CASD1: variants seen among roughly 807,000 people sequenced by gnomAD.
The protein encoded by CASD1 is CAS1 domain sialic acid O acetyltransferase 1.
In CASD1, 41 loss-of-function variants were observed where a neutral mutation model predicts 100.0. The ratio of observed to expected loss-of-function variants is 0.41; its 90% CI spans 0.32 to 0.53. The LOEUF is 0.53. Among genes scored for constraint, CASD1 ranks in the 20% least tolerant of loss-of-function variants. The pLI is 0.25. For synonymous variants in CASD1, 321 were observed against 315.6 expected (o/e 1.02, Z -0.18); for missense variants, 774 against 948.7 (o/e 0.82, Z 2.42).
the CASD1 span, among the ~76,000 whole-genome samples, chr7:94,576,654 G>C: frequency 6.6e-6 from 1 of 152,144 alleles, no homozygotes; most frequent in Admixed American, 6.6e-5. Flanking sequence ...TGATACCAAG[G>C]CTTCGGTGAG....
Position 94,551,325 on chromosome 7 carries a change from C to G in CASD1, c.1816-13C>G, listed in dbSNP as rs747373617. 4.6e-5 allele frequency: 70 copies of G among 1,529,892 alleles called. 2 individuals are homozygous for G. The South Asian group carries it at 9.0e-4, about 20-fold the overall frequency. The allele number at this position is 1,529,892 out of a possible 1,614,324, so 94.8% of individuals were successfully genotyped here. A position where few individuals can be genotyped will look rare whatever the true frequency, so the allele number is the denominator to read the frequency against. ...TAACTGTTTAAAACAAATTTTCTCTCTTTACTTTTCAGGTAGTTTTCCACG... is the reference window on the plus strand; with the variant it reads ...TAACTGTTTAAAACAAATTTTCTCTGTTTACTTTTCAGGTAGTTTTCCACG... On this transcript the variant is annotated splice_polypyrimidine_tract_variant and intron_variant, in intron 14 of 17. Transcript: ENST00000297273.
In CASD1 at chr7:94,545,661, T is replaced by C; in HGVS notation, c.1593T>C (p.Thr531=). Residue 531 remains threonine (T), a synonymous_variant, in exon 12 of 18, where the codon ACT becomes ACC. Transcript: ENST00000297273. The stretch of plus-strand genomic sequence containing the variant: ...TATGGTTCATGGTCATATATGTTAC[T>C]TTAGCACTATGGCCACAAATAATCC... The part of the protein sequence containing the change: ...VTVWFMVIYV[T]LALWPQIIQK... 6.2e-7 allele frequency: 1 copy of C among 1,607,340 alleles called. No individual in the cohort carries two copies. Among genetic ancestry groups the C allele is most frequent in the African/African-American group, 1.3e-5 (1 of 74,950 alleles).
At chr7:94,581,741 TATATGTACCAC>T in the CASD1 span, among the ~76,000 whole-genome samples, 35 of 152,252 alleles carry the variant, frequency 2.3e-4, no homozygotes, top group African/African-American at 8.4e-4. Flanking sequence ...GTCCATGGTG[TATATGTACCAC>T]ATTTTCTTTA....
intron 13 of CASD1, 74 bp from the exon 14 acceptor site, chr7:94,549,459 T>C: frequency 2.0e-6 from 2 of 1,021,498 alleles, no homozygotes; most frequent in Admixed American, 2.4e-5. Flanking sequence ...CAGAAAACTA[T>C]AATCTGTAAT....
At chr7:94,595,529 T>G in the CASD1 span, among the ~76,000 whole-genome samples, 1 of 152,224 alleles carries the variant, frequency 6.6e-6, no homozygotes, top group East Asian at 1.9e-4. Flanking sequence ...GGTAAATTAA[T>G]AAGTACAAGA....
the CASD1 span, among the ~76,000 whole-genome samples, chr7:94,592,352 A>G: frequency 7.9e-5 from 12 of 152,316 alleles, no homozygotes; most frequent in South Asian, 2.1e-4. Flanking sequence ...TGGTGAGAGC[A>G]GGCTGCTAAA....
chr7:94,563,700 G>T, the CASD1 span, among the ~76,000 whole-genome samples: 1 of 151,546 alleles, frequency 6.6e-6, no homozygotes, highest in Non-Finnish European at 1.5e-5. Context: ...CTGAAAGCTG[G>T]CTACCATTTT....
chr7:94,512,873 A>T (rs755946351), intron 1 of CASD1, among the ~76,000 whole-genome samples: 15 of 152,196 alleles, frequency 9.9e-5, no homozygotes, highest in Non-Finnish European at 2.2e-4. Flanking sequence ...AGCATGACAG[A>T]TTAAATTGCC....
chr7:94,533,321 T>G (rs1299658352), intron 6 of CASD1, 72 bp downstream of exon 6: 2 of 1,277,716 alleles, frequency 1.6e-6, no homozygotes, highest in Admixed American at 3.8e-5. Flanking sequence ...AAAAGTTAAT[T>G]TGTGTTCAGA....
the CASD1 span, chr7:94,589,302 G>A: frequency 1.3e-5 from 2 of 156,992 alleles, no homozygotes; most frequent in East Asian, 1.8e-4. Flanking sequence ...CAATCACTTA[G>A]GGACTTTTGA....
the CASD1 span, among the ~76,000 whole-genome samples, chr7:94,605,396 T>C: frequency 6.6e-6 from 1 of 152,308 alleles, no homozygotes; most frequent in Non-Finnish European, 1.5e-5. Context: ...TTTTTCTTAA[T>C]TGATCTAACA....
chr7:94,589,236 A>G, the CASD1 span: 1 of 167,580 alleles, frequency 6.0e-6, no homozygotes, highest in Non-Finnish European at 1.3e-5. Flanking sequence ...ATCCAGATGC[A>G]TTGGCGGAAT....
At chr7:94,510,344 G>C (rs1165599793) in intron 1 of CASD1, 127 bp downstream of exon 1, 1 of 619,634 alleles carries the variant, frequency 1.6e-6, no homozygotes, top group African/African-American at 2.0e-5. Flanking sequence ...CGGGGGAGGC[G>C]GTTCCCCCAG....
the CASD1 span, among the ~76,000 whole-genome samples, chr7:94,607,450 T>C: frequency 6.6e-6 from 1 of 152,196 alleles, no homozygotes; most frequent in Non-Finnish European, 1.5e-5. Flanking sequence ...AAAGGAATTA[T>C]ACACAATGAT....
the CASD1 span, among the ~76,000 whole-genome samples, chr7:94,584,513 T>C: frequency 6.6e-6 from 1 of 152,226 alleles, no homozygotes; most frequent in African/African-American, 2.4e-5. Flanking sequence ...CAGAGTATTC[T>C]CCCTAAGTGG....
At chr7:94,524,388 G>A (rs1344463083) in intron 3 of CASD1, 1 of 152,066 alleles carries the variant, frequency 6.6e-6, no homozygotes, top group Non-Finnish European at 1.5e-5. Context: ...AAAAGGTGGG[G>A]GTCAGGGAGC....
chr7:94,579,524 AAAT>A, the CASD1 span, among the ~76,000 whole-genome samples: 2 of 152,212 alleles, frequency 1.3e-5, no homozygotes, highest in African/African-American at 4.8e-5. Context: ...ATTTGTACAA[AAAT>A]AATAAGTAAT....
the CASD1 span, among the ~76,000 whole-genome samples, chr7:94,572,722 CTTTAAG>C: frequency 5.3e-5 from 8 of 152,232 alleles, no homozygotes; most frequent in South Asian, 1.2e-3. Context: ...TGCAGAAGCT[CTTTAAG>C]TTTAATTAGA....
chr7:94,620,887 C>T, the CASD1 span: 6 of 152,246 alleles, frequency 3.9e-5, no homozygotes, highest in African/African-American at 1.4e-4. Context: ...AGATGAGTCA[C>T]AGCAGCTTTC....
Sources: gnomAD v4.1 joint callset for allele counts (sites outside exome capture counted in the v4.1 genomes callset) on GRCh38, gnomAD v4.1.1 for gene constraint, MANE v1.5 for transcripts, NCBI Gene and HGNC (gene_info 2026-07-23, HGNC 2026-07-21) for gene names.